The following CASP10 variants were observed in gnomAD, a reference collection of about 807,000 sequenced individuals.
CASP10 encodes caspase-10.
In CASP10, 41 loss-of-function variants were observed where a neutral mutation model predicts 48.5. The observed-to-expected ratio is 0.85, with a 90% CI of 0.66 to 1.10. The LOEUF (loss-of-function observed/expected upper bound fraction) is 1.10, where lower values mean the gene tolerates loss of function less well. Among genes scored for constraint, CASP10 ranks in the 50% least tolerant of loss-of-function variants. The pLI is 0.00. For missense variants in CASP10, 614 were observed against 614.5 expected (o/e 1.00, Z 0.01); for synonymous variants, 232 against 238.4 (o/e 0.97, Z 0.25).
At chr2:201,201,363 C>A (rs1945012179) in intron 5 of CASP10, among the ~76,000 whole-genome samples, 1 of 152,110 alleles carries the variant, frequency 6.6e-6, no homozygotes, top group Admixed American at 6.5e-5. Flanking sequence ...GGTTTTCCAG[C>A]ACTGACATTT....
chr2:201,216,200 T>C (rs996053056), intron 9 of CASP10, among the ~76,000 whole-genome samples: 1 of 150,476 alleles, frequency 6.6e-6, no homozygotes, highest in South Asian at 2.1e-4. Context: ...TTAAATAATA[T>C]TTAAATTAAT....
intron 9 of CASP10, among the ~76,000 whole-genome samples, chr2:201,210,898 T>C (rs1372646882): frequency 1.3e-5 from 2 of 152,216 alleles, no homozygotes; most frequent in Non-Finnish European, 1.5e-5. Context: ...GGAGACAGTA[T>C]ACATGCATGA....
chr2:201,214,963 T>C (rs1421933096), intron 9 of CASP10: 2 of 152,134 alleles, frequency 1.3e-5, no homozygotes, highest in African/African-American at 4.8e-5. Flanking sequence ...GGTAAGTATG[T>C]TCTATCATAA....
At chr2:201,213,837 C>T (rs1198732412) in intron 9 of CASP10, 1 of 152,136 alleles carries the variant, frequency 6.6e-6, no homozygotes, top group Non-Finnish European at 1.5e-5. Context: ...TTGTCGTAGA[C>T]AGATGGAGCT....
At chr2:201,222,312 G>A (rs1458454442), downstream of CASP10, among the ~76,000 whole-genome samples, 1 of 151,628 alleles carries the variant, frequency 6.6e-6, no homozygotes, top group Non-Finnish European at 1.5e-5. Flanking sequence ...CGTCTCCTGG[G>A]TTCAAGCGAT....
chr2:201,221,573 A>C lies in CASP10; in HGVS notation c.*3832A>C. On this transcript the variant is annotated 3_prime_UTR_variant, in exon 10 of 10. Transcript: ENST00000286186. ...TCCACTACTTACCCAAATCCTATAAAACGGCCCCACCCCTATCTCCCTTCA... is the reference window on the plus strand; with the variant it reads ...TCCACTACTTACCCAAATCCTATAACACGGCCCCACCCCTATCTCCCTTCA... 6.6e-6 allele frequency: 1 copy of C among 152,076 alleles called. No homozygotes were observed. The highest frequency in any genetic ancestry group is 1.5e-5 in the Non-Finnish European group (1 of 68,112). The allele number at this position is 152,076 out of a possible 1,614,324, so 9.4% of individuals were successfully genotyped here.
chr2:201,201,506 G>A (rs193102872), intron 5 of CASP10, among the ~76,000 whole-genome samples: 2 of 151,932 alleles, frequency 1.3e-5, no homozygotes, highest in Non-Finnish European at 2.9e-5. Context: ...GATTCTGCTC[G>A]TTGTCTTTGA....
intron 5 of CASP10, among the ~76,000 whole-genome samples, chr2:201,203,276 G>A (rs1040858202): frequency 6.6e-6 from 1 of 151,112 alleles, no homozygotes; most frequent in Non-Finnish European, 1.5e-5. Context: ...GGAGAGAGTT[G>A]GTTCTCTTCC....
At chr2:201,224,228 T>C (rs796950009), downstream of CASP10, among the ~76,000 whole-genome samples, 23 of 151,862 alleles carry the variant, frequency 1.5e-4, no homozygotes, top group Admixed American at 1.1e-3. Flanking sequence ...GCCTTGGCCT[T>C]CCAAAGTGCT....
chr2:201,217,774 C>A lies in CASP10; in HGVS notation c.*33C>A, dbSNP rs557972760. The A allele has an allele frequency of 6.2e-7, 1 of 1,613,486 alleles. No homozygotes were observed. Among genetic ancestry groups the A allele is most frequent in the Non-Finnish European group, 8.5e-7 (1 of 1,179,572 alleles). Reference sequence around the variant, plus strand: ...TTTTTGTTGGTTCTTAGACCTCAAACGAATCATTGGCTATAACCTCCAGCC... The same window carrying A: ...TTTTTGTTGGTTCTTAGACCTCAAAAGAATCATTGGCTATAACCTCCAGCC... On this transcript the variant is annotated 3_prime_UTR_variant, in exon 10 of 10. Coordinates refer to ENST00000286186, the MANE Select transcript of CASP10 (RefSeq NM_032977.4).
Position 201,219,679 on chromosome 2 carries a change from ATT to A in CASP10, c.*1941_*1942del, listed in dbSNP as rs772973444. 5.3e-6 allele frequency: 5 copies of A among 948,234 alleles called. No individual in the cohort carries two copies. Among genetic ancestry groups the A allele is most frequent in the Non-Finnish European group, 6.2e-6 (5 of 806,310 alleles). 58.7% of individuals were successfully genotyped at this position (948,234 alleles called of 1,614,324 possible). ...ACGCCTTGATGCTTTCTTCATTAAG[ATT>A]TTGAGCATTTTTACGTACTTGAGCT... On this transcript the variant is annotated 3_prime_UTR_variant, in exon 10 of 10. Coordinates refer to ENST00000286186, the MANE Select transcript of CASP10 (RefSeq NM_032977.4).
chr2:201,200,803 T>G (rs1376886517), intron 5 of CASP10: 2 of 1,040,540 alleles, frequency 1.9e-6, no homozygotes, highest in Non-Finnish European at 1.2e-6. Flanking sequence ...ATTGCAATTA[T>G]TTATAAAATC....
chr2:201,214,742 T>C (rs992063476), intron 9 of CASP10: 6 of 152,130 alleles, frequency 3.9e-5, no homozygotes, highest in African/African-American at 7.2e-5. Context: ...TACCCTGGCT[T>C]TGCAGGCAGC....
chr2:201,224,655 T>TA (rs1413755416), downstream of CASP10, among the ~76,000 whole-genome samples: 2 of 152,216 alleles, frequency 1.3e-5, no homozygotes, highest in Admixed American at 6.5e-5. Flanking sequence ...CTGTGAAACT[T>TA]ACATGTCTCA....
At chr2:201,201,904 A>G (rs1945032453) in intron 5 of CASP10, among the ~76,000 whole-genome samples, 1 of 152,094 alleles carries the variant, frequency 6.6e-6, no homozygotes, top group Non-Finnish European at 1.5e-5. Context: ...TTAAAAATTA[A>G]ATTTATTTTT....
intron 5 of CASP10, among the ~76,000 whole-genome samples, chr2:201,201,997 C>T (rs1342604165): frequency 2.6e-5 from 4 of 152,086 alleles, no homozygotes; most frequent in African/African-American, 9.7e-5. Flanking sequence ...ATTACAGGCA[C>T]GTGCCACCGC....
intron 2 of CASP10, among the ~76,000 whole-genome samples, chr2:201,186,687 G>A (rs1416189865): frequency 6.6e-6 from 1 of 152,102 alleles, no homozygotes; most frequent in Non-Finnish European, 1.5e-5. Flanking sequence ...ATGGATGACA[G>A]CGTTTTATTT....
Position 201,185,951 on chromosome 2 carries a change from C to G in CASP10, c.174C>G (p.Ala58=), listed in dbSNP as rs114625983. The change falls in exon 2 of 10, where the codon GCC becomes GCG. Residue 58 remains alanine, a synonymous_variant. Coordinates refer to ENST00000286186, the MANE Select transcript of CASP10 (RefSeq NM_032977.4). ...PNKKLEKSSS[A]SDVFEHLLAE... ...AGAAGCTGGAGAAGTCCAGCTCAGC[C>G]TCAGATGTTTTTGAACATCTCTTGG... 6.2e-7 allele frequency: 1 copy of G among 1,614,170 alleles called. No individual in the cohort carries two copies. Among genetic ancestry groups the G allele is most frequent in the South Asian group, 1.1e-5 (1 of 91,080 alleles).
chr2:201,198,317 A>C (rs1490054326), intron 5 of CASP10, among the ~76,000 whole-genome samples: 1 of 147,620 alleles, frequency 6.8e-6, no homozygotes. Context: ...TCTAACTCCC[A>C]GGTTCAAGCG....
Sources: gnomAD v4.1 joint callset for allele counts (sites outside exome capture counted in the v4.1 genomes callset) on GRCh38, gnomAD v4.1.1 for gene constraint, MANE v1.5 for transcripts, NCBI Gene and HGNC (gene_info 2026-07-23, HGNC 2026-07-21) for gene names.